Variants in C6orf163 observed in about 807,000 individuals in gnomAD.
C6orf163 encodes the protein chromosome 6 open reading frame 163.
A neutral mutation model predicts 28.4 loss-of-function variants in C6orf163; 22 were observed. That is an observed-to-expected ratio of 0.78 (90% confidence interval 0.55 to 1.11). The LOEUF is 1.11. C6orf163 is among the 50% of genes least tolerant of loss of function. The probability of loss-of-function intolerance (pLI) is 0.00; values close to 1 mark genes in which losing one functional copy is unlikely to be tolerated. For synonymous variants in C6orf163, 110 were observed against 123.6 expected, an observed-to-expected ratio of 0.89 and a Z score of 0.73; for missense variants, 342 against 389.1, an observed-to-expected ratio of 0.88 and a Z score of 1.02.
chr6:87,361,561 G>C (rs1777580863), intron 4 of C6orf163, among the ~76,000 whole-genome samples: 1 of 152,180 alleles, frequency 6.6e-6, no homozygotes, highest in African/African-American at 2.4e-5. Context: ...AGAGGACACA[G>C]GGAGCACAGC....
At chr6:87,347,497 C>G (rs1021236534) in intron 1 of C6orf163, 56 of 985,260 alleles carry the variant, frequency 5.7e-5, no homozygotes, top group Non-Finnish European at 6.6e-5. Context: ...AAAATCTTTT[C>G]TAATTATTTC....
chr6:87,347,414 A>C, intron 1 of C6orf163: 1 of 985,208 alleles, frequency 1.0e-6, no homozygotes, highest in East Asian at 1.1e-4. Flanking sequence ...GGATAGTGAT[A>C]GCCTACACTT....
chr6:87,356,639 A>G lies in C6orf163; in HGVS notation c.554+136A>G, dbSNP rs1777506731. On this transcript the variant is annotated intron_variant, in intron 4 of 4. Transcript: ENST00000388923. Reference sequence around the variant, plus strand: ...TACATTTTTATTATGGAAAATACCAAACATAGGGAACAATTTATATTGTAG... The same window carrying G: ...TACATTTTTATTATGGAAAATACCAGACATAGGGAACAATTTATATTGTAG... 3.8e-5 allele frequency: 28 copies of G among 728,164 alleles called. No individual in the cohort carries two copies. The East Asian group carries it at 7.3e-4, about 19-fold the overall frequency. 45.1% of individuals were successfully genotyped at this position (728,164 alleles called of 1,614,324 possible).
chr6:87,364,652 T>C (rs1777621316), intron 4 of C6orf163, among the ~76,000 whole-genome samples: 1 of 152,212 alleles, frequency 6.6e-6, no homozygotes, highest in Non-Finnish European at 1.5e-5. Context: ...CCTTATCTCC[T>C]CATTTTTAAG....
intron 4 of C6orf163, chr6:87,358,345 C>G (rs6901494): frequency 1.3e-5 from 2 of 151,854 alleles, no homozygotes; most frequent in Non-Finnish European, 2.9e-5. Flanking sequence ...CGGTGGTTCA[C>G]GCCTGTAATC....
At chr6:87,350,819 G>A (rs998799125) in intron 3 of C6orf163, among the ~76,000 whole-genome samples, 1 of 152,196 alleles carries the variant, frequency 6.6e-6, no homozygotes, top group Admixed American at 6.5e-5. Context: ...AAATGATTGT[G>A]TGGTTAGTTG....
Position 87,348,209 on chromosome 6 carries a change from T to C in C6orf163, c.149-603T>C, listed in dbSNP as rs578072860. The C allele has an allele frequency of 2.8e-4, 278 of 984,030 alleles. 5 individuals are homozygous for C. The highest frequency in any genetic ancestry group is 5.8e-5 in the Non-Finnish European group (48 of 828,698). 61.0% of individuals were successfully genotyped at this position (984,030 alleles called of 1,614,324 possible). ...GACCTGGCTGTCTGATATTGCGTGG[T>C]CCTCTAGCCTCTCTAGACTTTTATT... On this transcript the variant is annotated intron_variant, in intron 1 of 4. Transcript: ENST00000388923.
In C6orf163 at chr6:87,356,516, A is replaced by T; in HGVS notation, c.554+13A>T. On this transcript the variant is annotated intron_variant, in intron 4 of 4. Coordinates refer to ENST00000388923, the MANE Select transcript of C6orf163 (RefSeq NM_001010868.3). ...AGGCCCAGAAAAGGTATTCCAGAGA[A>T]CTCATTTACAAATTAGTAACTTCCT... 1.3e-6 allele frequency: 2 copies of T among 1,549,896 alleles called. No individual in the cohort carries two copies. Among genetic ancestry groups the T allele is most frequent in the Non-Finnish European group, 1.7e-6 (2 of 1,145,838 alleles).
In C6orf163 at chr6:87,365,059, G is replaced by A. The variant is rs2127936626; in HGVS notation, c.653G>A (p.Ser218Asn). 3.2e-6 allele frequency: 5 copies of A among 1,551,802 alleles called. No homozygotes were observed. The highest frequency in any genetic ancestry group is 1.2e-5 in the South Asian group (1 of 84,066). Residue 218 changes from serine (S) to asparagine (N), a missense_variant, in exon 5 of 5, where the codon AGC becomes AAC. Ser to Asn is a conservative substitution (Grantham distance 46). Coordinates refer to ENST00000388923, the MANE Select transcript of C6orf163 (RefSeq NM_001010868.3). ...RLMREKEHEM[S>N]ILYGIAQRQR... is the part of the protein sequence containing the mutation. ...ATGAGGGAAAAAGAACATGAAATGA[G>A]CATCCTCTATGGCATAGCTCAGAGG... is the stretch of plus-strand genomic sequence containing the variant.
At chr6:87,346,113 G>A (rs1188816) in intron 1 of C6orf163, among the ~76,000 whole-genome samples, 89,834 of 151,488 alleles carry the variant, frequency 0.59, 26,982 homozygotes, top group African/African-American at 0.64. Flanking sequence ...TTTTATCCCC[G>A]TAAGAGTTTT....
chr6:87,350,580 A>G (rs953982006), intron 3 of C6orf163, 79 bp downstream of exon 3: 9 of 817,040 alleles, frequency 1.1e-5, no homozygotes, highest in Non-Finnish European at 1.5e-5. Flanking sequence ...GAATGAGAAA[A>G]AAATAATAAG....
At chr6:87,356,980 A>G (rs1777512629) in intron 4 of C6orf163, 1 of 154,784 alleles carries the variant, frequency 6.5e-6, no homozygotes, top group Non-Finnish European at 1.4e-5. Context: ...TTTTCTTATT[A>G]TGCAAGTAAT....
At chr6:87,358,361 A>G (rs192621638) in intron 4 of C6orf163, 21 of 152,140 alleles carry the variant, frequency 1.4e-4, no homozygotes, top group African/African-American at 4.3e-4. Context: ...TAATCCCAGC[A>G]TTTTGGGAGG....
chr6:87,355,708 AGT>A (rs1777490331), intron 3 of C6orf163, among the ~76,000 whole-genome samples: 1 of 152,204 alleles, frequency 6.6e-6, no homozygotes, highest in Admixed American at 6.5e-5. Context: ...TTCACTAGAC[AGT>A]GAATCCCTTG....
At chr6:87,357,282 A>G (rs1458522191) in intron 4 of C6orf163, 1 of 152,192 alleles carries the variant, frequency 6.6e-6, no homozygotes, top group Non-Finnish European at 1.5e-5. Flanking sequence ...TGTCAGGTGC[A>G]AGAGAAAAAC....
Position 87,344,973 on chromosome 6 carries a change from T to C in C6orf163, c.-127T>C. The C allele has an allele frequency of 1.4e-6, 1 of 705,012 alleles. No individual in the cohort carries two copies. Among genetic ancestry groups the C allele is most frequent in the Non-Finnish European group, 2.3e-6 (1 of 434,900 alleles). 43.7% of individuals were successfully genotyped at this position (705,012 alleles called of 1,614,324 possible). A position where few individuals can be genotyped will look rare whatever the true frequency, so the allele number is the denominator to read the frequency against. ...TTGAACCATTTAATCCTTACCAGCC[T>C]CTAGCATTATCCTAAAACCCTGAAC... On this transcript the variant is annotated 5_prime_UTR_variant, in exon 1 of 5. Coordinates refer to ENST00000388923, the MANE Select transcript of C6orf163 (RefSeq NM_001010868.3).
intron 1 of C6orf163, chr6:87,348,007 T>C: frequency 1.8e-6 from 1 of 542,436 alleles, no homozygotes; most frequent in Non-Finnish European, 2.4e-6. Flanking sequence ...AATACAAAAA[T>C]TAGTCAGGCA....
Position 87,365,249 on chromosome 6 carries a change from A to G in C6orf163, c.843A>G (p.Glu281=), listed in dbSNP as rs376655250. Residue 281 remains glutamate (E), a synonymous_variant, in exon 5 of 5, where the codon GAA becomes GAG. Coordinates refer to ENST00000388923, the MANE Select transcript of C6orf163 (RefSeq NM_001010868.3). ...MTNWKDFLEE[E]LQETRMAFQK... is the part of the protein sequence containing the mutation. ...ATTGGAAAGATTTCCTAGAGGAGGA[A>G]TTACAGGAAACCAGGATGGCATTTC... The G allele has an allele frequency of 1.3e-5, 20 of 1,551,736 alleles. No homozygotes were observed. The African/African-American group carries it at 1.8e-4, about 14-fold the overall frequency.
Position 87,365,032 on chromosome 6 carries a change from T to C in C6orf163, c.626T>C (p.Leu209Pro). 2 of 1,551,662 alleles carry C rather than the reference T, an allele frequency of 1.3e-6. No homozygotes were observed. The highest frequency in any genetic ancestry group is 1.7e-6 in the Non-Finnish European group (2 of 1,146,948). ...IKDEKTSVAR[L>P]MREKEHEMSI... ...GATGAGAAGACCAGTGTGGCCCGACTGATGAGGGAAAAAGAACATGAAATG... is the reference window on the plus strand; with the variant it reads ...GATGAGAAGACCAGTGTGGCCCGACCGATGAGGGAAAAAGAACATGAAATG... Residue 209 changes from leucine (L) to proline (P), a missense_variant, in exon 5 of 5, where the codon CTG (leucine) becomes CCG (proline). Leu to Pro is a moderately conservative substitution (Grantham distance 98). Coordinates refer to ENST00000388923, the MANE Select transcript of C6orf163 (RefSeq NM_001010868.3).
Sources: allele counts gnomAD v4.1 joint callset (sites outside exome capture counted in the v4.1 genomes callset), GRCh38; gene constraint gnomAD v4.1.1; transcripts MANE v1.5; gene names NCBI Gene and HGNC (gene_info 2026-07-23, HGNC 2026-07-21).